Variants in SLC4A10 observed in about 807,000 individuals in gnomAD.
The protein encoded by SLC4A10 is solute carrier family 4 member 10, also known as sodium-driven chloride bicarbonate exchanger.
A neutral mutation model predicts 137.7 loss-of-function variants in SLC4A10; 42 were observed. The observed-to-expected ratio is 0.30, with a 90% CI of 0.24 to 0.39. The LOEUF (loss-of-function observed/expected upper bound fraction) is 0.39. Among genes scored for constraint, SLC4A10 ranks in the 10% least tolerant of loss-of-function variants. SLC4A10 has a pLI of 1.00. For synonymous variants in SLC4A10, 474 were observed against 464.1 expected (o/e 1.02, Z -0.27); for missense variants, 925 against 1,355.0 (o/e 0.68, Z 4.98).
At chr2:161,827,005 C>CT (rs1432853324) in intron 3 of SLC4A10, among the ~76,000 whole-genome samples, 2 of 152,060 alleles carry the variant, frequency 1.3e-5, no homozygotes, top group African/African-American at 2.4e-5. Flanking sequence ...AAGGCAGAGG[C>CT]TTTTTTTCTG....
intron 15 of SLC4A10, among the ~76,000 whole-genome samples, chr2:161,941,297 T>C (rs1307041130): frequency 2.6e-5 from 4 of 152,106 alleles, no homozygotes; most frequent in South Asian, 4.1e-4. Flanking sequence ...AAAGGGAGTA[T>C]CACAACCTGC....
intron 4 of SLC4A10, among the ~76,000 whole-genome samples, chr2:161,849,350 A>T (rs1023683319): frequency 1.3e-5 from 2 of 152,000 alleles, no homozygotes; most frequent in East Asian, 1.9e-4. Context: ...TTGCGAAGAG[A>T]GATGATTTGA....
Position 161,855,043 on chromosome 2 carries a change from T to C in SLC4A10, c.490T>C (p.Leu164=), listed in dbSNP as rs749998502. 1.6e-5 allele frequency: 26 copies of C among 1,613,374 alleles called. No individual in the cohort carries two copies. The East Asian group carries it at 5.4e-4, about 33-fold the overall frequency. Residue 164 remains leucine, a synonymous_variant, in exon 5 of 27, where the codon TTG becomes CTG. Transcript: ENST00000446997. The part of the protein sequence containing the change: ...WSKPYVATLS[L]HSLFELRSCI... ...CAAGCCTTATGTGGCTACTCTTTCATTGCACAGCTTGTTTGAATTGAGAAG... is the reference window on the plus strand; with the variant it reads ...CAAGCCTTATGTGGCTACTCTTTCACTGCACAGCTTGTTTGAATTGAGAAG...
chr2:161,877,108 C>A (rs1364239004), intron 8 of SLC4A10, among the ~76,000 whole-genome samples: 2 of 151,910 alleles, frequency 1.3e-5, no homozygotes, highest in African/African-American at 4.8e-5. Flanking sequence ...TTTTAACATA[C>A]TATGTACTTC....
At chr2:161,710,870 C>A in intron 1 of SLC4A10, 1 of 270,988 alleles carries the variant, frequency 3.7e-6, no homozygotes. Context: ...AAGAAAAAGT[C>A]ATTTCCTGCT....
chr2:161,933,299 T>A (rs1690930166), intron 15 of SLC4A10, among the ~76,000 whole-genome samples: 2 of 150,878 alleles, frequency 1.3e-5, no homozygotes, highest in South Asian at 4.2e-4. Flanking sequence ...CTTTCTTTGT[T>A]TCTTTTTTCT....
At chr2:161,844,845 T>C (rs1464273234) in intron 4 of SLC4A10, among the ~76,000 whole-genome samples, 1 of 152,130 alleles carries the variant, frequency 6.6e-6, no homozygotes, top group African/African-American at 2.4e-5. Flanking sequence ...TAATCTTGGA[T>C]GAAAACAGAT....
chr2:161,734,432 G>C (rs2047120728), intron 1 of SLC4A10, among the ~76,000 whole-genome samples: 1 of 152,124 alleles, frequency 6.6e-6, no homozygotes, highest in Non-Finnish European at 1.5e-5. Flanking sequence ...TGCCATGTAA[G>C]AAGTGCCTTT....
At chr2:161,792,879 G>T (rs1230823027) in intron 2 of SLC4A10, among the ~76,000 whole-genome samples, 1 of 151,980 alleles carries the variant, frequency 6.6e-6, no homozygotes, top group East Asian at 1.9e-4. Flanking sequence ...ATAAATTACT[G>T]TGGCCACTTT....
intron 1 of SLC4A10, among the ~76,000 whole-genome samples, chr2:161,734,450 T>C (rs1260181316): frequency 6.6e-6 from 1 of 152,182 alleles, no homozygotes; most frequent in Non-Finnish European, 1.5e-5. Flanking sequence ...TTTTACTTCT[T>C]ACCATGCTTC....
intron 1 of SLC4A10, among the ~76,000 whole-genome samples, chr2:161,658,065 CT>C (rs2037787310): frequency 6.6e-6 from 1 of 151,938 alleles, no homozygotes; most frequent in Non-Finnish European, 1.5e-5. Flanking sequence ...TTATTTTTTT[CT>C]TTTCCTGCAA....
intron 1 of SLC4A10, among the ~76,000 whole-genome samples, chr2:161,722,173 T>C (rs1269208470): frequency 1.3e-5 from 2 of 152,222 alleles, no homozygotes; most frequent in African/African-American, 4.8e-5. Flanking sequence ...TTCTGCAGCC[T>C]ACTTTTGTCA....
At chr2:161,949,665 T>A (rs2105813012) in intron 18 of SLC4A10, among the ~76,000 whole-genome samples, 1 of 152,180 alleles carries the variant, frequency 6.6e-6, no homozygotes, top group African/African-American at 2.4e-5. Context: ...GGGGTACAGT[T>A]TGAATATTCC....
chr2:161,839,973 T>C, intron 4 of SLC4A10, 46 bp downstream of exon 4: 1 of 1,603,246 alleles, frequency 6.2e-7, no homozygotes, highest in Non-Finnish European at 8.5e-7. Context: ...AGAATTTTCA[T>C]GTTACTAGAA....
chr2:161,959,291 T>C (rs1696200733), intron 21 of SLC4A10, among the ~76,000 whole-genome samples: 1 of 152,254 alleles, frequency 6.6e-6, no homozygotes, highest in Admixed American at 6.5e-5. Context: ...GGGAACTTTA[T>C]GAATTATTTA....
At chr2:161,635,236 A>G (rs2034220967) in intron 1 of SLC4A10, among the ~76,000 whole-genome samples, 1 of 152,066 alleles carries the variant, frequency 6.6e-6, no homozygotes, top group African/African-American at 2.4e-5. Flanking sequence ...TGGATGCCTA[A>G]TAATTTCTCA....
chr2:161,743,307 ATAGGGGTC>A (rs747203977), intron 1 of SLC4A10, among the ~76,000 whole-genome samples: 1 of 152,144 alleles, frequency 6.6e-6, no homozygotes, highest in Non-Finnish European at 1.5e-5. Context: ...ATGACAAGAG[ATAGGGGTC>A]TAGTTCTATT....
At chr2:161,744,969 A>G (rs76569484) in intron 1 of SLC4A10, among the ~76,000 whole-genome samples, 587 of 152,252 alleles carry the variant, frequency 3.9e-3, no homozygotes, top group Non-Finnish European at 6.6e-3. Flanking sequence ...GCTCATTAAC[A>G]TCTTTTTCTT....
At chr2:161,782,202 T>C (rs1434340754) in intron 2 of SLC4A10, among the ~76,000 whole-genome samples, 1 of 152,018 alleles carries the variant, frequency 6.6e-6, no homozygotes, top group African/African-American at 2.4e-5. Flanking sequence ...CTGGGGGTTT[T>C]CCAAAGGATT....
Sources: gnomAD v4.1 joint callset for allele counts (sites outside exome capture counted in the v4.1 genomes callset) on GRCh38, gnomAD v4.1.1 for gene constraint, MANE v1.5 for transcripts, NCBI Gene and HGNC (gene_info 2026-07-23, HGNC 2026-07-21) for gene names.